TENM1: variants seen among roughly 807,000 people sequenced by gnomAD.
The protein encoded by TENM1 is teneurin transmembrane protein 1.
In TENM1, 35 loss-of-function variants were observed where a neutral mutation model predicts 174.8. The observed-to-expected ratio is 0.20, with a 90% CI of 0.15 to 0.27. The LOEUF is 0.27. Among genes scored for constraint, TENM1 ranks in the 10% least tolerant of loss-of-function variants. The pLI is 1.00. For synonymous variants in TENM1, 781 were observed against 798.7 expected, an observed-to-expected ratio of 0.98 and a Z score of 0.37; for missense variants, 1,633 against 2,130.1, an observed-to-expected ratio of 0.77 and a Z score of 4.59.
In TENM1 at chrX:124,910,738, G is replaced by A. The variant is rs182082137; in HGVS notation, c.218-14497C>T. On this transcript the variant is annotated intron_variant, in intron 1 of 31. Transcript: ENST00000422452. ...ATATTCAGCATCAATTACTTTGGCC[G>A]TTTTCACTTCCTTTTCCAGAATTCT... 8.4e-4 allele frequency among the ~76,000 whole-genome samples: 93 copies of A among 110,712 alleles called. No homozygotes were observed. In the South Asian group the frequency reaches 9.3e-3, roughly 11 times the overall value.
intron 1 of TENM1, among the ~76,000 whole-genome samples, chrX:124,913,399 C>G (rs2147647862): frequency 9.0e-6 from 1 of 111,588 alleles, no homozygotes; most frequent in South Asian, 3.8e-4. Flanking sequence ...GCACCCCCTA[C>G]TAGTTTGAAG....
intron 11 of TENM1, among the ~76,000 whole-genome samples, chrX:124,599,924 GT>G (rs2049989189): frequency 9.1e-6 from 1 of 110,468 alleles, no homozygotes; most frequent in African/African-American, 3.3e-5. Context: ...TTGAACTGGA[GT>G]TGGAGGTAAT....
chrX:124,669,487 T>A (rs2051868549), intron 6 of TENM1, among the ~76,000 whole-genome samples: 1 of 111,316 alleles, frequency 9.0e-6, no homozygotes, highest in South Asian at 3.8e-4. Context: ...AGGATACAAC[T>A]GAACATTTGA....
chrX:125,034,246 T>C, the TENM1 span, among the ~76,000 whole-genome samples: 1 of 111,960 alleles, frequency 8.9e-6, no homozygotes, highest in Non-Finnish European at 1.9e-5. Flanking sequence ...ATGCTAGACT[T>C]GAGCAATCTG....
At chrX:124,454,700 C>T (rs747104815) in intron 22 of TENM1, among the ~76,000 whole-genome samples, 1 of 111,749 alleles carries the variant, frequency 8.9e-6, no homozygotes, top group South Asian at 3.8e-4. Flanking sequence ...TCGGGCCTGG[C>T]CCTAGGTCGT....
Position 124,864,230 on chromosome X carries a change from G to A in TENM1, c.535+30066C>T, listed in dbSNP as rs189493732. On this transcript the variant is annotated intron_variant, in intron 3 of 31. Transcript: ENST00000422452. ...GCATCAACACTATCTAGGAAAACAC[G>A]GCCTCACCAAATGAACTACATAAGG... Among the ~76,000 whole-genome samples, 5 of 111,692 alleles carry A rather than the reference G, an allele frequency of 4.5e-5. No homozygotes were observed. In the East Asian group the frequency reaches 1.1e-3, roughly 25 times the overall value.
At chrX:124,749,942 T>C (rs911412393) in intron 3 of TENM1, among the ~76,000 whole-genome samples, 3 of 111,915 alleles carry the variant, frequency 2.7e-5, no homozygotes, top group African/African-American at 6.5e-5. Context: ...TAGTGCCTGG[T>C]ACATGTGACA....
chrX:124,440,883 T>C lies in TENM1; in HGVS notation c.4104+12454A>G, dbSNP rs191220285. On this transcript the variant is annotated intron_variant, in intron 23 of 31. Transcript: ENST00000422452. ...CTGTGACAGCATAATTTGATTGCTA[T>C]GTAGACTGAAGTTTGTGCCACTTTC... Among the ~76,000 whole-genome samples, 10 of 111,852 alleles carry C rather than the reference T, an allele frequency of 8.9e-5. No homozygotes were observed. In the East Asian group the frequency reaches 2.5e-3, roughly 28 times the overall value.
chrX:124,470,154 T>C lies in TENM1; in HGVS notation c.3949+11578A>G, dbSNP rs1015881607. Among the ~76,000 whole-genome samples the C allele has an allele frequency of 2.7e-5, 3 of 111,868 alleles. No homozygotes were observed. The East Asian group carries it at 8.4e-4, about 31-fold the overall frequency. On this transcript the variant is annotated intron_variant, in intron 22 of 31. Transcript: ENST00000422452. ...ACTCACAAAAGTGCTCCAAAATATA[T>C]GAACCAGGTTATTCATTGCAGCACT... is the stretch of plus-strand genomic sequence containing the variant.
At chrX:125,059,590 TCTC>T in the TENM1 span, among the ~76,000 whole-genome samples, 1 of 111,356 alleles carries the variant, frequency 9.0e-6, no homozygotes, top group African/African-American at 3.3e-5. Context: ...CTGACCGACA[TCTC>T]CTCATTTCAT....
At chrX:124,806,747 G>GGCATCA (rs1255802178) in intron 3 of TENM1, among the ~76,000 whole-genome samples, 3 of 111,500 alleles carry the variant, frequency 2.7e-5, no homozygotes, top group African/African-American at 9.8e-5. Flanking sequence ...CAGGAAGCAC[G>GGCATCA]GCATCAGCAT....
intron 1 of TENM1, among the ~76,000 whole-genome samples, chrX:124,930,116 AC>A (rs1845488541): frequency 9.2e-6 from 1 of 108,542 alleles, no homozygotes; most frequent in Admixed American, 9.9e-5. Flanking sequence ...GCCACCCCAT[AC>A]CCCGCACAGA....
chrX:124,538,418 A>C (rs886557246), intron 15 of TENM1, among the ~76,000 whole-genome samples: 4 of 111,579 alleles, frequency 3.6e-5, no homozygotes, highest in African/African-American at 1.3e-4. Flanking sequence ...CTTTTTCCAA[A>C]CGTGAGCAGG....
intron 1 of TENM1, among the ~76,000 whole-genome samples, chrX:124,908,386 T>C (rs772939875): frequency 2.7e-5 from 3 of 111,101 alleles, no homozygotes; most frequent in East Asian, 2.9e-4. Flanking sequence ...TGTGTTCTCA[T>C]TGTTCAACTC....
At chrX:124,751,726 G>C (rs1285767448) in intron 3 of TENM1, among the ~76,000 whole-genome samples, 2 of 97,662 alleles carry the variant, frequency 2.0e-5, no homozygotes, top group Non-Finnish European at 4.1e-5. Flanking sequence ...CCACCTATGA[G>C]TGAGAACATG....
chrX:124,751,618 T>C (rs1175860460), intron 3 of TENM1, among the ~76,000 whole-genome samples: 1 of 105,810 alleles, frequency 9.5e-6, no homozygotes, highest in Non-Finnish European at 2.0e-5. Context: ...ATTAGGTTTA[T>C]CTCCTAATGC....
At chrX:125,131,336 C>T in the TENM1 span, among the ~76,000 whole-genome samples, 1 of 111,681 alleles carries the variant, frequency 9.0e-6, no homozygotes, top group Non-Finnish European at 1.9e-5. Context: ...TATTAAGGAG[C>T]TCCTGCCACC....
chrX:125,027,621 T>C, the TENM1 span, among the ~76,000 whole-genome samples: 2 of 100,564 alleles, frequency 2.0e-5, no homozygotes, highest in African/African-American at 7.2e-5. Flanking sequence ...CTTTTTTTTT[T>C]TTTTTTTTTT....
At position 124,520,432 on chromosome X, in the gene TENM1, A is replaced by T. The variant is rs2047815140; in HGVS notation, c.3301+85T>A. ...TTTAAACAGAAGAAAATCAGTAATT[A>T]TTCCAAATACAAATTAACATGTAAC... On this transcript the variant is annotated intron_variant, in intron 18 of 31. Coordinates refer to ENST00000422452, the Ensembl canonical transcript of TENM1. 22 of 949,067 alleles carry T rather than the reference A, an allele frequency of 2.3e-5. No individual in the cohort carries two copies. The South Asian group carries it at 5.2e-4, about 23-fold the overall frequency. The allele number at this position is 949,067 out of a possible 1,213,427, so 78.2% of individuals were successfully genotyped here. A position where few individuals can be genotyped will look rare whatever the true frequency, so the allele number is the denominator to read the frequency against.
Sources: gnomAD v4.1 joint callset for allele counts (sites outside exome capture counted in the v4.1 genomes callset) on GRCh38, gnomAD v4.1.1 for gene constraint, MANE v1.5 for transcripts, NCBI Gene and HGNC (gene_info 2026-07-23, HGNC 2026-07-21) for gene names.